ITGA1: variants seen among roughly 807,000 people sequenced by gnomAD.
ITGA1 encodes integrin subunit alpha 1, also known as integrin alpha-1.
In ITGA1, 85 loss-of-function variants were observed where a neutral mutation model predicts 145.9. That is an observed-to-expected ratio of 0.58 (90% confidence interval 0.49 to 0.70). ITGA1 has a LOEUF of 0.70. Among genes scored for constraint, ITGA1 ranks in the 30% least tolerant of loss-of-function variants. The pLI, the probability that ITGA1 is intolerant of heterozygous loss-of-function variation, is 0.00. For synonymous variants in ITGA1, 520 were observed against 495.3 expected (o/e 1.05, Z -0.66); for missense variants, 1,351 against 1,418.7 (o/e 0.95, Z 0.77).
intron 26 of ITGA1, among the ~76,000 whole-genome samples, chr5:52,943,971 C>T (rs1257677636): frequency 3.9e-5 from 6 of 152,164 alleles, no homozygotes; most frequent in East Asian, 3.9e-4. Flanking sequence ...GCAGAGACTG[C>T]GCTGTGCACA....
chr5:52,798,294 TAGAG>T (rs1580025004), intron 1 of ITGA1, among the ~76,000 whole-genome samples: 3 of 152,142 alleles, frequency 2.0e-5, no homozygotes, highest in South Asian at 2.1e-4. Flanking sequence ...AGGGGAGACA[TAGAG>T]AGCGAGAAAC....
intron 6 of ITGA1, among the ~76,000 whole-genome samples, 183 bp downstream of exon 6, chr5:52,866,000 T>TTTTTTTC (rs59543015): frequency 0.27 from 40,355 of 150,336 alleles, 5,564 homozygotes; most frequent in South Asian, 0.39. Flanking sequence ...TTATTTTCTA[T>TTTTTTTC]TTTTTTCTTT....
chr5:52,933,596 G>A (rs532939420), intron 22 of ITGA1: 78 of 175,952 alleles, frequency 4.4e-4, no homozygotes, highest in Non-Finnish European at 8.6e-4. Flanking sequence ...GGTATAAATG[G>A]TATTAGTGAA....
At position 52,906,437 on chromosome 5, in the gene ITGA1, T is replaced by G. The variant is rs112770908; in HGVS notation, c.1455+529T>G. Among the ~76,000 whole-genome samples the G allele has an allele frequency of 5.6e-3, 860 of 152,244 alleles. 7 individuals are homozygous for G. Among genetic ancestry groups the G allele is most frequent in the African/African-American group, 0.018 (750 of 41,548 alleles). Reference sequence around the variant, plus strand: ...GGGAAATTGTCTGTAATATTTAAAATTGAAAAATTCTTATTAGGTAGTATT... The same window carrying G: ...GGGAAATTGTCTGTAATATTTAAAAGTGAAAAATTCTTATTAGGTAGTATT... On this transcript the variant is annotated intron_variant, in intron 12 of 28. Transcript: ENST00000282588.
intron 7 of ITGA1, among the ~76,000 whole-genome samples, chr5:52,885,832 G>C (rs6886933): frequency 0.027 from 4,041 of 152,298 alleles, 204 homozygotes; most frequent in African/African-American, 0.093. Context: ...AAAGTCTCTA[G>C]TTAGAAGTTA....
At chr5:52,903,744 A>T (rs1370325913) in intron 11 of ITGA1, 4 of 152,326 alleles carry the variant, frequency 2.6e-5, no homozygotes, top group South Asian at 4.1e-4. Context: ...TTATTAAAAG[A>T]GTTATTCCTT....
intron 1 of ITGA1, among the ~76,000 whole-genome samples, chr5:52,808,676 CTTTTTTTT>C (rs60113844): frequency 1.4e-5 from 1 of 69,336 alleles, no homozygotes; most frequent in African/African-American, 6.3e-5. Context: ...TTCTTTCTTT[CTTTTTTTT>C]TTTTTTTTTT....
chr5:52,917,854 A>G (rs1233568489), intron 15 of ITGA1, among the ~76,000 whole-genome samples: 8 of 152,198 alleles, frequency 5.3e-5, no homozygotes, highest in Non-Finnish European at 1.0e-4. Flanking sequence ...CTATGAGTCC[A>G]TTGTTTTAAC....
chr5:52,807,185 G>A (rs1748600585), intron 1 of ITGA1, among the ~76,000 whole-genome samples: 1 of 152,180 alleles, frequency 6.6e-6, no homozygotes, highest in Admixed American at 6.5e-5. Flanking sequence ...ACTGAGGCAA[G>A]AGCAGTATTT....
At chr5:52,800,805 G>A (rs781748090) in intron 1 of ITGA1, 3 of 1,612,278 alleles carry the variant, frequency 1.9e-6, no homozygotes, top group Non-Finnish European at 2.5e-6. Context: ...GCGCTGATGT[G>A]GCGGCTGTGG....
chr5:52,916,246 A>G (rs1750645399), intron 15 of ITGA1, among the ~76,000 whole-genome samples: 1 of 152,208 alleles, frequency 6.6e-6, no homozygotes, highest in African/African-American at 2.4e-5. Context: ...ATTACTAGGA[A>G]GTCAAGAATC....
chr5:52,948,429 C>T (rs550057816), intron 28 of ITGA1, among the ~76,000 whole-genome samples: 8 of 152,320 alleles, frequency 5.3e-5, no homozygotes, highest in Admixed American at 4.6e-4. Context: ...TTCTCTCCCA[C>T]TGAAATACCA....
chr5:52,906,363 G>A (rs774517740), intron 12 of ITGA1, among the ~76,000 whole-genome samples: 10 of 152,192 alleles, frequency 6.6e-5, no homozygotes, highest in Non-Finnish European at 1.5e-4. Flanking sequence ...CATATGATGT[G>A]AGGTTTTGAA....
chr5:52,837,325 C>T (rs992149811), intron 1 of ITGA1, among the ~76,000 whole-genome samples: 1 of 152,134 alleles, frequency 6.6e-6, no homozygotes, highest in African/African-American at 2.4e-5. Context: ...GCTGGCCACA[C>T]AGTGTCTCCT....
chr5:52,896,585 A>G (rs1270768195), intron 9 of ITGA1, among the ~76,000 whole-genome samples: 1 of 152,198 alleles, frequency 6.6e-6, no homozygotes, highest in Non-Finnish European at 1.5e-5. Context: ...TGCCTCAACG[A>G]AAGGGCAGAC....
chr5:52,880,285 A>G (rs1749937371), intron 6 of ITGA1, among the ~76,000 whole-genome samples: 2 of 152,150 alleles, frequency 1.3e-5, no homozygotes, highest in South Asian at 2.1e-4. Context: ...TGTTTCTGTT[A>G]TTATAATTTA....
chr5:52,911,998 ATCTACTATATATACTATATGTATAGTGTG>A (rs1335227052), intron 14 of ITGA1, among the ~76,000 whole-genome samples: 2 of 139,426 alleles, frequency 1.4e-5, no homozygotes, highest in African/African-American at 5.2e-5. Context: ...TATAGTGTGT[ATCTACTATATATACTATATGTATAGTGTG>A]TATCTACTAT....
At chr5:52,908,062 G>C (rs1750439268) in intron 12 of ITGA1, among the ~76,000 whole-genome samples, 1 of 152,088 alleles carries the variant, frequency 6.6e-6, no homozygotes, top group Non-Finnish European at 1.5e-5. Context: ...TAAGAGAATG[G>C]AAAAAGGCTA....
chr5:52,936,353 T>TTA (rs1165658838), intron 23 of ITGA1, among the ~76,000 whole-genome samples: 1 of 152,126 alleles, frequency 6.6e-6, no homozygotes, highest in East Asian at 1.9e-4. Context: ...AGGGAGCATG[T>TTA]TTAAGGGTCC....
Sources: gnomAD v4.1 joint callset for allele counts (sites outside exome capture counted in the v4.1 genomes callset) on GRCh38, gnomAD v4.1.1 for gene constraint, MANE v1.5 for transcripts, NCBI Gene and HGNC (gene_info 2026-07-23, HGNC 2026-07-21) for gene names.